The following PIGU variants were observed in gnomAD, a reference collection of about 807,000 sequenced individuals.
PIGU encodes GPI-anchor transamidase component PIGU.
PIGU carries 24 observed loss-of-function variants against 49.9 expected under a neutral mutation model. That is an observed-to-expected ratio of 0.48 (90% CI 0.35 to 0.68). PIGU has a LOEUF of 0.68. PIGU is among the 30% of genes least tolerant of loss of function. The pLI, the probability that PIGU is intolerant of heterozygous loss-of-function variation, is 0.01. For synonymous variants in PIGU, 220 were observed against 205.7 expected, an observed-to-expected ratio of 1.07 and a Z score of -0.59; for missense variants, 490 against 532.6, an observed-to-expected ratio of 0.92 and a Z score of 0.79.
At chr20:34,568,688 T>C (rs1982878913) in intron 11 of PIGU, among the ~76,000 whole-genome samples, 1 of 152,188 alleles carries the variant, frequency 6.6e-6, no homozygotes, top group Non-Finnish European at 1.5e-5. Context: ...GTTTCACCTG[T>C]GTTGCAGTGA....
rs1985619313 is a variant in PIGU at position 34,629,473 on chromosome 20, A to C, written c.529+5142T>G. On this transcript the variant is annotated intron_variant, in intron 6 of 11. Transcript: ENST00000217446. ...GTCTGTCCCCTGGCCCAAGAGGATG[A>C]CAACCATGTGGAGCAGAGCCCAACC... 2.0e-5 allele frequency among the ~76,000 whole-genome samples: 3 copies of C among 152,218 alleles called. No homozygotes were observed. The South Asian group carries it at 6.2e-4, about 31-fold the overall frequency.
intron 11 of PIGU, among the ~76,000 whole-genome samples, chr20:34,573,225 A>C (rs1314315195): frequency 1.3e-5 from 2 of 152,154 alleles, no homozygotes; most frequent in Non-Finnish European, 2.9e-5. Flanking sequence ...TGATGATTTA[A>C]AATACATTTT....
chr20:34,671,970 T>C (rs965019574), intron 1 of PIGU, among the ~76,000 whole-genome samples: 1 of 152,126 alleles, frequency 6.6e-6, no homozygotes, highest in Non-Finnish European at 1.5e-5. Flanking sequence ...TCTCACTCTG[T>C]CACCTAGGAT....
At chr20:34,617,778 G>A (rs1752498208) in intron 6 of PIGU, among the ~76,000 whole-genome samples, 1 of 150,042 alleles carries the variant, frequency 6.7e-6, no homozygotes, top group Admixed American at 6.6e-5. Context: ...GTTTGGCTGT[G>A]TCCTCACCCA....
chr20:34,628,638 G>A (rs1296906052), intron 6 of PIGU, among the ~76,000 whole-genome samples: 1 of 151,992 alleles, frequency 6.6e-6, no homozygotes, highest in Non-Finnish European at 1.5e-5. Context: ...ATCACTTGAG[G>A]TCAGGAGTTC....
At chr20:34,563,063 T>A (rs1196855847) in intron 11 of PIGU, among the ~76,000 whole-genome samples, 2 of 152,160 alleles carry the variant, frequency 1.3e-5, no homozygotes, top group Non-Finnish European at 2.9e-5. Context: ...GGTTGGACCA[T>A]ATGAAATTGC....
intron 11 of PIGU, among the ~76,000 whole-genome samples, chr20:34,563,623 A>G (rs775120712): frequency 2.3e-4 from 23 of 99,914 alleles, no homozygotes; most frequent in Middle Eastern, 5.8e-3. Flanking sequence ...CAATACATCA[A>G]TGGGGGGGGG....
chr20:34,577,580 G>C (rs1742680421), intron 10 of PIGU, among the ~76,000 whole-genome samples: 1 of 152,182 alleles, frequency 6.6e-6, no homozygotes. Context: ...GCCAGGCATG[G>C]TGGCGGGTGC....
At chr20:34,568,893 G>A (rs1185592660) in intron 11 of PIGU, among the ~76,000 whole-genome samples, 2 of 152,216 alleles carry the variant, frequency 1.3e-5, no homozygotes, top group Non-Finnish European at 2.9e-5. Context: ...TAGGGTTCCA[G>A]ATGATCCAGA....
chr20:34,645,711 C>T (rs1049575194), intron 2 of PIGU, among the ~76,000 whole-genome samples: 4 of 151,886 alleles, frequency 2.6e-5, no homozygotes, highest in East Asian at 1.9e-4. Context: ...CTGGCTAACA[C>T]GGTAAAACCC....
chr20:34,670,068 T>C (rs1987257924), intron 1 of PIGU, among the ~76,000 whole-genome samples: 1 of 152,186 alleles, frequency 6.6e-6, no homozygotes, highest in African/African-American at 2.4e-5. Flanking sequence ...GCTTCTGAAG[T>C]GAGTGGCAAA....
At chr20:34,626,927 T>C (rs1228046707) in intron 6 of PIGU, among the ~76,000 whole-genome samples, 1 of 151,986 alleles carries the variant, frequency 6.6e-6, no homozygotes, top group African/African-American at 2.4e-5. Flanking sequence ...TAAATAATTT[T>C]ATTAATATTA....
chr20:34,617,387 C>G (rs1019306581), intron 6 of PIGU, among the ~76,000 whole-genome samples: 7 of 152,176 alleles, frequency 4.6e-5, no homozygotes, highest in Non-Finnish European at 1.0e-4. Flanking sequence ...ATGGGAACCC[C>G]CCTCTTACAT....
intron 1 of PIGU, among the ~76,000 whole-genome samples, chr20:34,660,048 TAAAAA>T (rs1555803430): frequency 9.7e-5 from 4 of 41,438 alleles, no homozygotes; most frequent in African/African-American, 3.1e-4. Context: ...GAATGATCAA[TAAAAA>T]AAAAAAAAAA....
chr20:34,582,078 T>C (rs1363801579), intron 9 of PIGU, among the ~76,000 whole-genome samples: 1 of 152,120 alleles, frequency 6.6e-6, no homozygotes, highest in African/African-American at 2.4e-5. Flanking sequence ...CCTCTGACAA[T>C]TGGACGCAAG....
At chr20:34,660,296 T>C (rs1986891826) in intron 1 of PIGU, among the ~76,000 whole-genome samples, 1 of 151,958 alleles carries the variant, frequency 6.6e-6, no homozygotes, top group Admixed American at 6.6e-5. Context: ...AGGGGAAAAA[T>C]AAAATTTTAC....
chr20:34,634,022 G>T (rs867552390), intron 6 of PIGU, among the ~76,000 whole-genome samples: 25 of 152,298 alleles, frequency 1.6e-4, no homozygotes, highest in African/African-American at 5.8e-4. Context: ...TGAACTAGGG[G>T]TGGGAAGAAA....
chr20:34,671,636 C>A (rs1987308061), intron 1 of PIGU, among the ~76,000 whole-genome samples: 1 of 152,018 alleles, frequency 6.6e-6, no homozygotes, highest in African/African-American at 2.4e-5. Flanking sequence ...AAATTTATTT[C>A]TTGGCCGGGC....
chr20:34,652,853 C>A (rs561719334), intron 2 of PIGU, among the ~76,000 whole-genome samples: 2 of 152,162 alleles, frequency 1.3e-5, no homozygotes, highest in East Asian at 1.9e-4. Context: ...ACTTACTGAG[C>A]CTTGTTTTAT....
Sources: allele counts gnomAD v4.1 joint callset (sites outside exome capture counted in the v4.1 genomes callset), GRCh38; gene constraint gnomAD v4.1.1; transcripts MANE v1.5; gene names NCBI Gene and HGNC (gene_info 2026-07-23, HGNC 2026-07-21).